SLC9C2: variants seen among roughly 807,000 people sequenced by gnomAD.
The protein encoded by SLC9C2 is sodium/hydrogen exchanger 11.
SLC9C2 carries 75 observed loss-of-function variants against 140.2 expected under a neutral mutation model. The observed-to-expected ratio is 0.53, with a 90% CI of 0.44 to 0.65. The LOEUF is 0.65. SLC9C2 is among the 30% of genes least tolerant of loss of function. The pLI is 0.00. For synonymous variants in SLC9C2, 375 were observed against 420.9 expected, an observed-to-expected ratio of 0.89 and a Z score of 1.34; for missense variants, 1,074 against 1,331.8, an observed-to-expected ratio of 0.81 and a Z score of 3.01.
chr1:173,536,029 A>C, intron 14 of SLC9C2, 80 bp from the exon 15 acceptor site: 1 of 1,268,674 alleles, frequency 7.9e-7, no homozygotes, highest in South Asian at 1.4e-5. Flanking sequence ...GGGAAGGTGT[A>C]CTAAGTATAA....
At chr1:173,542,002 C>G (rs926763914) in intron 13 of SLC9C2, among the ~76,000 whole-genome samples, 1 of 152,064 alleles carries the variant, frequency 6.6e-6, no homozygotes, top group African/African-American at 2.4e-5. Flanking sequence ...CAAGAAATAA[C>G]TAAGATCAGA....
intron 4 of SLC9C2, among the ~76,000 whole-genome samples, chr1:173,590,298 C>T (rs946562615): frequency 3.3e-5 from 5 of 150,664 alleles, no homozygotes; most frequent in Non-Finnish European, 7.4e-5. Flanking sequence ...AGATAATAGC[C>T]GAAATTGTGG....
chr1:173,545,221 T>A (rs115517741), intron 13 of SLC9C2, among the ~76,000 whole-genome samples: 1 of 152,146 alleles, frequency 6.6e-6, no homozygotes, highest in Non-Finnish European at 1.5e-5. Flanking sequence ...AACTGTGAAG[T>A]GGGGCGGACT....
intron 7 of SLC9C2, among the ~76,000 whole-genome samples, chr1:173,579,636 A>G (rs1202082990): frequency 6.6e-6 from 1 of 152,202 alleles, no homozygotes; most frequent in Non-Finnish European, 1.5e-5. Flanking sequence ...ATCAGCTTCA[A>G]AGTCTTATGA....
chr1:173,533,470 G>A (rs1042132834), intron 17 of SLC9C2, 139 bp downstream of exon 17: 3 of 577,212 alleles, frequency 5.2e-6, no homozygotes, highest in African/African-American at 3.8e-5. Flanking sequence ...GTAGTGATGG[G>A]GTCTTGCTAT....
At chr1:173,563,829 C>T (rs186594086) in intron 9 of SLC9C2, among the ~76,000 whole-genome samples, 4 of 152,212 alleles carry the variant, frequency 2.6e-5, no homozygotes, top group Admixed American at 2.0e-4. Context: ...GTTAACCATC[C>T]TCCACTTTCC....
At chr1:173,517,842 G>C in intron 22 of SLC9C2, 138 bp from the exon 23 acceptor site, 1 of 681,750 alleles carries the variant, frequency 1.5e-6, no homozygotes. Flanking sequence ...GAAGAATTAG[G>C]CTTAAGAAAA....
intron 17 of SLC9C2, among the ~76,000 whole-genome samples, chr1:173,532,893 T>G (rs1661683278): frequency 6.6e-6 from 1 of 152,032 alleles, no homozygotes; most frequent in Non-Finnish European, 1.5e-5. Context: ...TTAAAAAATG[T>G]AAAAAGAAAG....
Position 173,529,925 on chromosome 1 carries a change from C to T in SLC9C2, c.2293G>A (p.Val765Ile), listed in dbSNP as rs1378613150. The change falls in exon 18 of 28, where the codon GTC (valine) becomes ATC (isoleucine). Residue 765 changes from valine to isoleucine, a missense_variant. Transcript: ENST00000367714. Reference sequence around the variant, plus strand: ...CTCACCTGATATATTGATTCACAGACAGCTATTTGTTTTATTAGAAGTTTG... The same window carrying T: ...CTCACCTGATATATTGATTCACAGATAGCTATTTGTTTTATTAGAAGTTTG... ...DAKLLIKQIA[V>I]CESIYQKLCE... 6.2e-7 allele frequency: 1 copy of T among 1,610,954 alleles called. No individual in the cohort carries two copies. Among genetic ancestry groups the T allele is most frequent in the Admixed American group, 1.7e-5 (1 of 59,274 alleles).
rs776564399 is a variant in SLC9C2 at position 173,548,539 on chromosome 1, A to G, written c.1311T>C (p.Leu437=). 24 of 1,613,526 alleles carry G rather than the reference A, an allele frequency of 1.5e-5. No individual in the cohort carries two copies. The South Asian group carries it at 1.8e-4, about 12-fold the overall frequency. The change falls in exon 12 of 28, where the codon CTT becomes CTC. Residue 437 remains leucine, a synonymous_variant. Transcript: ENST00000367714. The part of the protein sequence containing the change: ...QSARKLDLCV[L]SLPRQMILQN... ...GCAAGATCATTTGTCTTGGGAGGGA[A>G]AGAACACACAAATCTGTGACAAAGA...
intron 23 of SLC9C2, 86 bp downstream of exon 23, chr1:173,517,451 G>T: frequency 7.4e-7 from 1 of 1,357,968 alleles, no homozygotes; most frequent in Non-Finnish European, 9.9e-7. Context: ...TGACTAAGAT[G>T]TCAAAACCCC....
At chr1:173,526,612 T>A (rs1661215032) in intron 19 of SLC9C2, 51 bp downstream of exon 19, 1 of 1,391,030 alleles carries the variant, frequency 7.2e-7, no homozygotes, top group African/African-American at 1.5e-5. Flanking sequence ...TTTATTAAAT[T>A]ATAGGACAAT....
intron 21 of SLC9C2, 97 bp from the exon 22 acceptor site, chr1:173,521,496 T>TATATAC (rs1267977011): frequency 3.4e-6 from 1 of 290,708 alleles, no homozygotes; most frequent in Non-Finnish European, 6.4e-6. Flanking sequence ...TATATATATA[T>TATATAC]ATGATTTTAT....
rs758953683 is a variant in SLC9C2, at chr1:173,576,768, G to GA, written c.803-9dup. 0.029 allele frequency: 36,681 copies of GA among 1,251,892 alleles called. No homozygotes were observed. The highest frequency in any genetic ancestry group is 0.036 in the South Asian group (2,299 of 63,434). 77.5% of individuals were successfully genotyped at this position (1,251,892 alleles called of 1,614,324 possible). On this transcript the variant is annotated splice_polypyrimidine_tract_variant and intron_variant, in intron 7 of 27. Coordinates refer to ENST00000367714, the MANE Select transcript of SLC9C2 (RefSeq NM_178527.4). ...ACATTCCTAAAAATTCCACTGGGGA[G>GA]AAAAAAAAAACAAATGAATCAAATG...
At chr1:173,567,451 T>A (rs142468575) in intron 9 of SLC9C2, among the ~76,000 whole-genome samples, 1 of 152,166 alleles carries the variant, frequency 6.6e-6, no homozygotes, top group East Asian at 1.9e-4. Context: ...TGTCTTGAAA[T>A]GTATTTTGTC....
intron 9 of SLC9C2, among the ~76,000 whole-genome samples, chr1:173,570,955 C>A (rs1005048909): frequency 6.6e-6 from 1 of 152,054 alleles, no homozygotes; most frequent in East Asian, 1.9e-4. Context: ...TTTTTCCTAC[C>A]CTCTTTAGTG....
intron 11 of SLC9C2, among the ~76,000 whole-genome samples, chr1:173,552,226 G>A (rs1164725676): frequency 6.6e-6 from 1 of 152,200 alleles, no homozygotes. Context: ...GAGGTTAAAG[G>A]AAAGAAGTCA....
At chr1:173,515,511 G>C (rs1190350304) in intron 23 of SLC9C2, among the ~76,000 whole-genome samples, 1 of 152,124 alleles carries the variant, frequency 6.6e-6, no homozygotes, top group South Asian at 2.1e-4. Flanking sequence ...AGCTCCATCA[G>C]GTCATCTATG....
At chr1:173,503,238 A>G in intron 27 of SLC9C2, 28 bp downstream of exon 27, 1 of 1,594,012 alleles carries the variant, frequency 6.3e-7, no homozygotes, top group South Asian at 1.1e-5. Context: ...ATAAGAAAAA[A>G]TTCTAATCAA....
Sources: allele counts gnomAD v4.1 joint callset (sites outside exome capture counted in the v4.1 genomes callset), GRCh38; gene constraint gnomAD v4.1.1; transcripts MANE v1.5; gene names NCBI Gene and HGNC (gene_info 2026-07-23, HGNC 2026-07-21).